Variants in TRIM66 observed in about 807,000 individuals in gnomAD.
TRIM66 encodes the protein tripartite motif containing 66.
In TRIM66, 99 loss-of-function variants were observed where a neutral mutation model predicts 148.2. The ratio of observed to expected loss-of-function variants is 0.67; its 90% CI spans 0.57 to 0.79. The LOEUF is 0.79. TRIM66 is among the 30% of genes least tolerant of loss of function. TRIM66 has a pLI of 0.00. For synonymous variants in TRIM66, 616 were observed against 635.9 expected, an observed-to-expected ratio of 0.97 and a Z score of 0.47; for missense variants, 1,666 against 1,697.9, an observed-to-expected ratio of 0.98 and a Z score of 0.33.
At chr11:8,674,443 G>A (rs7122232) in intron 4 of TRIM66, among the ~76,000 whole-genome samples, 2,358 of 152,160 alleles carry the variant, frequency 0.015, 69 homozygotes, top group African/African-American at 0.054. Flanking sequence ...GAGGGCAGTC[G>A]TGCGAAGTTC....
At chr11:8,662,638 C>A (rs2038338434) in intron 6 of TRIM66, among the ~76,000 whole-genome samples, 1 of 152,186 alleles carries the variant, frequency 6.6e-6, no homozygotes, top group South Asian at 2.1e-4. Flanking sequence ...CCAGCTACAT[C>A]CTCAACTTTG....
At chr11:8,649,044 T>G (rs2037112811) in intron 8 of TRIM66, among the ~76,000 whole-genome samples, 1 of 152,224 alleles carries the variant, frequency 6.6e-6, no homozygotes. Flanking sequence ...GATTGTCATT[T>G]AAAACAGATG....
At chr11:8,625,378 C>A in intron 15 of TRIM66, 150 bp from the exon 16 acceptor site, 1 of 1,025,004 alleles carries the variant, frequency 9.8e-7, no homozygotes, top group Non-Finnish European at 1.4e-6. Flanking sequence ...GGAACTCAGG[C>A]AATGCATGAA....
chr11:8,634,428 C>T (rs2035694723), intron 15 of TRIM66, among the ~76,000 whole-genome samples: 1 of 152,204 alleles, frequency 6.6e-6, no homozygotes, highest in African/African-American at 2.4e-5. Context: ...CTTAGCCTCC[C>T]AAAGTGCTGG....
chr11:8,618,688 TG>T (rs1408718679), intron 24 of TRIM66, 61 bp downstream of exon 24: 4 of 1,449,128 alleles, frequency 2.8e-6, no homozygotes, highest in Non-Finnish European at 3.7e-6. Context: ...AGGTTCTGCT[TG>T]GGTGCCCCTC....
At chr11:8,632,451 ATTTTTTTT>A (rs386373046) in intron 15 of TRIM66, among the ~76,000 whole-genome samples, 19 of 88,032 alleles carry the variant, frequency 2.2e-4, no homozygotes, top group African/African-American at 8.1e-4. Flanking sequence ...TCACATGTTG[ATTTTTTTT>A]TTTTTTTTTT....
rs1013945552 is a variant in TRIM66, at chr11:8,667,007, G to C, written c.340+4779C>G. 5.3e-5 allele frequency among the ~76,000 whole-genome samples: 8 copies of C among 152,040 alleles called. No homozygotes were observed. The East Asian group carries it at 7.7e-4, about 15-fold the overall frequency. On this transcript the variant is annotated intron_variant, in intron 6 of 24. Coordinates refer to ENST00000646038, the MANE Select transcript of TRIM66 (RefSeq NM_001388022.1). ...ACTTTTTTTTTGTATTTTTAGTAGAGACAGGGTTTCGCCATGTTAACCAGG... is the reference window on the plus strand; with the variant it reads ...ACTTTTTTTTTGTATTTTTAGTAGACACAGGGTTTCGCCATGTTAACCAGG...
At chr11:8,662,839 C>T (rs1031526002) in intron 6 of TRIM66, among the ~76,000 whole-genome samples, 2 of 152,166 alleles carry the variant, frequency 1.3e-5, no homozygotes, top group East Asian at 3.8e-4. Flanking sequence ...AATAAAACCA[C>T]AGCAACTCTG....
intron 15 of TRIM66, among the ~76,000 whole-genome samples, chr11:8,625,979 G>A (rs1454092516): frequency 1.3e-5 from 2 of 152,174 alleles, no homozygotes; most frequent in Admixed American, 6.5e-5. Context: ...GAACATCAAA[G>A]CAGCTAAATC....
chr11:8,623,279 G>A (rs2034485047), intron 17 of TRIM66, among the ~76,000 whole-genome samples: 1 of 152,178 alleles, frequency 6.6e-6, no homozygotes, highest in Non-Finnish European at 1.5e-5. Flanking sequence ...CAGTGCTTGA[G>A]AATCCAGCTC....
At chr11:8,674,395 A>T (rs1031388622) in intron 4 of TRIM66, among the ~76,000 whole-genome samples, 4 of 152,090 alleles carry the variant, frequency 2.6e-5, no homozygotes, top group African/African-American at 4.8e-5. Flanking sequence ...TTATTTATTT[A>T]TTTTTTGAGA....
In TRIM66 at chr11:8,619,482, C is replaced by T. The variant is rs1033979698; in HGVS notation, c.3801G>A (p.Arg1267=). The T allele has an allele frequency of 1.3e-6, 2 of 1,551,230 alleles. No homozygotes were observed. The highest frequency in any genetic ancestry group is 1.4e-5 in the African/African-American group (1 of 73,028). Residue 1267 remains arginine, a synonymous_variant, in exon 23 of 25, where the codon CGG becomes CGA. Transcript: ENST00000646038. ...IKRPMDLSII[R]RKLQKKDPAH... is the part of the protein sequence containing the mutation. ...CTGGGTCCTTCTTTTGCAGCTTCCT[C>T]CGGATGATTGACAGGTCCATGGGCC...
At chr11:8,626,160 G>T (rs1160421673) in intron 15 of TRIM66, among the ~76,000 whole-genome samples, 3 of 152,122 alleles carry the variant, frequency 2.0e-5, no homozygotes, top group African/African-American at 7.2e-5. Context: ...GACAGATTTA[G>T]GGAAAAGGAG....
intron 13 of TRIM66, among the ~76,000 whole-genome samples, chr11:8,642,578 C>A (rs371386840): frequency 4.6e-5 from 7 of 152,278 alleles, no homozygotes; most frequent in African/African-American, 1.7e-4. Context: ...GTGACACAAA[C>A]ATGCACACGC....
chr11:8,624,910 G>T lies in TRIM66; in HGVS notation c.2629C>A (p.His877Asn). 1 of 1,551,608 alleles carries T rather than the reference G, an allele frequency of 6.4e-7. No individual in the cohort carries two copies. The highest frequency in any genetic ancestry group is 1.2e-5 in the South Asian group (1 of 84,038). ...ATTAGGCTGGGCCCAGCCTGAGGGT[G>T]ATCACTTGCCAGGCTTGCCATAGCC... ...PQAMASLASD[H>N]PQAGPSLMSG... The change falls in exon 16 of 25, where the codon CAC becomes AAC. Residue 877 changes from histidine to asparagine, a missense_variant. Coordinates refer to ENST00000646038, the MANE Select transcript of TRIM66 (RefSeq NM_001388022.1).
chr11:8,644,544 G>A (rs1259176112), intron 12 of TRIM66: 5 of 393,002 alleles, frequency 1.3e-5, no homozygotes, highest in Middle Eastern at 3.6e-4. Flanking sequence ...CATCTCAGAC[G>A]AAGGGACTGT....
intron 12 of TRIM66, 100 bp downstream of exon 12, chr11:8,645,641 A>G (rs2133170605): frequency 7.1e-7 from 1 of 1,400,188 alleles, no homozygotes; most frequent in South Asian, 1.4e-5. Flanking sequence ...CATCCTAAAA[A>G]GAAAAGGCAC....
chr11:8,619,319 ACCC>A, intron 23 of TRIM66, 61 bp downstream of exon 23: 1 of 1,350,486 alleles, frequency 7.4e-7, no homozygotes, highest in Non-Finnish European at 9.9e-7. Context: ...TCCCAACCCT[ACCC>A]ACCCATGACA....
chr11:8,643,544 G>A (rs542810639), intron 12 of TRIM66, among the ~76,000 whole-genome samples: 1 of 152,098 alleles, frequency 6.6e-6, no homozygotes, highest in Non-Finnish European at 1.5e-5. Context: ...GGGTTTCACT[G>A]TGTTAGCCAG....
Sources: gnomAD v4.1 joint callset for allele counts (sites outside exome capture counted in the v4.1 genomes callset) on GRCh38, gnomAD v4.1.1 for gene constraint, MANE v1.5 for transcripts, NCBI Gene and HGNC (gene_info 2026-07-23, HGNC 2026-07-21) for gene names.